The following MTMR10 variants were observed in gnomAD, a reference collection of about 807,000 sequenced individuals.
MTMR10 encodes myotubularin-related protein 10.
MTMR10 carries 56 observed loss-of-function variants against 88.1 expected under a neutral mutation model. The ratio of observed to expected loss-of-function variants is 0.64; its 90% CI spans 0.51 to 0.79. The LOEUF (loss-of-function observed/expected upper bound fraction) is 0.79, where lower values mean the gene tolerates loss of function less well. Among genes scored for constraint, MTMR10 ranks in the 30% least tolerant of loss-of-function variants. The pLI is 0.00. For synonymous variants in MTMR10, 380 were observed against 340.9 expected, an observed-to-expected ratio of 1.11 and a Z score of -1.26; for missense variants, 883 against 924.7, an observed-to-expected ratio of 0.95 and a Z score of 0.58.
chr15:30,928,637 T>G, the MTMR10 span: 1 of 1,613,844 alleles, frequency 6.2e-7, no homozygotes, highest in Non-Finnish European at 8.5e-7. Flanking sequence ...ATTCCGGATG[T>G]CTTCAGAAAC....
In MTMR10 at chr15:30,942,903, A is replaced by AAAG; in HGVS notation, c.1715_1717dup (p.Ser572dup). ...GCTGTGATTTACCTTTGTCCGTTTA[A>AAAG]AAGACTTCACGGAGCCATTCTGTAT... On this transcript the variant is annotated inframe_insertion, in exon 15 of 16. Transcript: ENST00000435680. 2 of 1,564,078 alleles carry AAAG rather than the reference A, an allele frequency of 1.3e-6. No individual in the cohort carries two copies. Among genetic ancestry groups the AAAG allele is most frequent in the Non-Finnish European group, 1.7e-6 (2 of 1,153,050 alleles).
At position 30,941,585 on chromosome 15, in the gene MTMR10, G is replaced by A; in HGVS notation, c.2219C>T (p.Pro740Leu). 6.3e-7 allele frequency: 1 copy of A among 1,599,612 alleles called. No individual in the cohort carries two copies. Among genetic ancestry groups the A allele is most frequent in the Non-Finnish European group, 8.5e-7 (1 of 1,172,618 alleles). The part of the protein sequence containing the change: ...GTPEFLSSSF[P>L]FSPVGNLCRR... ...GCACAGATTCCCTACAGGAGAAAAT[G>A]GAAATGAGGAGGAGAGAAACTCCGG... Residue 740 changes from proline (P) to leucine (L), a missense_variant, in exon 16 of 16, where the codon CCA becomes CTA. Around this residue, in one of 3 missense-constraint regions of MTMR10, gnomAD observed 343 missense variants for 323.2 expected, o/e 1.06. Coordinates refer to ENST00000435680, the MANE Select transcript of MTMR10 (RefSeq NM_017762.3).
At chr15:30,948,213 T>C (rs1359867887) in intron 13 of MTMR10, 89 bp downstream of exon 13, 5 of 1,270,492 alleles carry the variant, frequency 3.9e-6, no homozygotes, top group Admixed American at 2.8e-5. Context: ...AAATACAGTA[T>C]TTTTTAAAAG....
chr15:30,937,341 G>T, downstream of MTMR10: 1 of 1,359,294 alleles, frequency 7.4e-7, no homozygotes, highest in Non-Finnish European at 1.0e-6. Context: ...TTTTGTTATC[G>T]TGCATTATAA....
intron 14 of MTMR10, chr15:30,946,816 T>G: frequency 1.4e-6 from 1 of 693,842 alleles, no homozygotes; most frequent in Non-Finnish European, 2.6e-6. Flanking sequence ...GCTTTTGTTT[T>G]TTACTACCCA....
At chr15:30,922,710 A>G in the MTMR10 span, among the ~76,000 whole-genome samples, 1 of 152,332 alleles carries the variant, frequency 6.6e-6, no homozygotes, top group South Asian at 2.1e-4. Flanking sequence ...TTGTTTTGGA[A>G]ATGGTGACTT....
chr15:30,936,341 C>T (rs1037923136), downstream of MTMR10, among the ~76,000 whole-genome samples: 4 of 152,004 alleles, frequency 2.6e-5, no homozygotes, highest in Non-Finnish European at 5.9e-5. Context: ...TCCCAGGCAG[C>T]GGGAACAGCA....
At chr15:30,946,888 C>T in intron 14 of MTMR10, 1 of 608,528 alleles carries the variant, frequency 1.6e-6, no homozygotes, top group South Asian at 2.1e-5. Context: ...AAGTAATTTA[C>T]ATCTTTAAAG....
chr15:30,967,676 G>A (rs1288620893), intron 6 of MTMR10, among the ~76,000 whole-genome samples: 1 of 152,128 alleles, frequency 6.6e-6, no homozygotes, highest in Non-Finnish European at 1.5e-5. Context: ...AGTGACTGGA[G>A]ATTAAATATC....
In MTMR10 at chr15:30,943,077, A is replaced by G; in HGVS notation, c.1549-5T>C. 1 of 1,524,668 alleles carries G rather than the reference A, an allele frequency of 6.6e-7. No homozygotes were observed. The highest frequency in any genetic ancestry group is 8.8e-7 in the Non-Finnish European group (1 of 1,139,414). The allele number at this position is 1,524,668 out of a possible 1,614,324, so 94.4% of individuals were successfully genotyped here. ...GTTTTTGCTTATAGCAAATTCCTGC[A>G]AAATAAATAAATAAATATTTGCAAA... On this transcript the variant is annotated splice_polypyrimidine_tract_variant and splice_region_variant and intron_variant, in intron 14 of 15. Transcript: ENST00000435680.
chr15:30,967,353 T>TCAA (rs1484386818), intron 6 of MTMR10, among the ~76,000 whole-genome samples: 1 of 152,198 alleles, frequency 6.6e-6, no homozygotes, highest in African/African-American at 2.4e-5. Flanking sequence ...GTCATGACTG[T>TCAA]CAGATATATA....
chr15:30,939,302 A>G lies in MTMR10; in HGVS notation c.*2168T>C. 1 of 985,496 alleles carries G rather than the reference A, an allele frequency of 1.0e-6. No homozygotes were observed. The highest frequency in any genetic ancestry group is 1.2e-6 in the Non-Finnish European group (1 of 829,950). 61.0% of individuals were successfully genotyped at this position (985,496 alleles called of 1,614,324 possible). On this transcript the variant is annotated 3_prime_UTR_variant, in exon 16 of 16. Coordinates refer to ENST00000435680, the MANE Select transcript of MTMR10 (RefSeq NM_017762.3). ...TAGAAATTTCACCCAGTGCATCAGC[A>G]TCTGTGCGGCATTCCCTCAGCACGG...
chr15:30,962,946 G>A (rs1015124132), intron 6 of MTMR10, among the ~76,000 whole-genome samples: 13 of 152,110 alleles, frequency 8.5e-5, no homozygotes, highest in African/African-American at 2.7e-4. Context: ...AGACAGAGAA[G>A]AACTTTAAAA....
intron 2 of MTMR10, among the ~76,000 whole-genome samples, chr15:30,978,322 T>C (rs902248464): frequency 6.6e-6 from 1 of 152,250 alleles, no homozygotes; most frequent in Admixed American, 6.5e-5. Context: ...CTTTATTCAC[T>C]GCTGAAATGT....
At chr15:30,932,497 C>T in the MTMR10 span, among the ~76,000 whole-genome samples, 1 of 151,988 alleles carries the variant, frequency 6.6e-6, no homozygotes, top group Non-Finnish European at 1.5e-5. Context: ...TAGTATTATT[C>T]CCTAAACATT....
intron 2 of MTMR10, among the ~76,000 whole-genome samples, chr15:30,982,053 A>G (rs1175497925): frequency 6.6e-6 from 1 of 151,752 alleles, no homozygotes; most frequent in African/African-American, 2.4e-5. Context: ...CCTGGGTGAC[A>G]GAACAAGACT....
intron 2 of MTMR10, among the ~76,000 whole-genome samples, chr15:30,982,823 A>T (rs576775087): frequency 2.2e-4 from 34 of 152,180 alleles, no homozygotes; most frequent in Non-Finnish European, 4.4e-4. Context: ...TCATAATTTT[A>T]AAAAAAAGGA....
chr15:30,928,801 T>C, the MTMR10 span: 36 of 1,466,954 alleles, frequency 2.5e-5, no homozygotes, highest in Middle Eastern at 2.5e-4. Flanking sequence ...TGATAACTTA[T>C]TTTAAAAATC....
chr15:30,951,901 G>A, intron 12 of MTMR10, 67 bp downstream of exon 12: 1 of 1,310,994 alleles, frequency 7.6e-7, no homozygotes, highest in South Asian at 1.2e-5. Context: ...ACTTGAATGG[G>A]GACAAGCAGT....
Sources: gnomAD v4.1 joint callset for allele counts (sites outside exome capture counted in the v4.1 genomes callset) on GRCh38, gnomAD v4.1.1 for gene constraint, gnomAD v4.1.1 regional missense constraint, MANE v1.5 for transcripts, NCBI Gene and HGNC (gene_info 2026-07-23, HGNC 2026-07-21) for gene names.